Variants in PPA2 observed in about 807,000 individuals in gnomAD.
The protein encoded by PPA2 is inorganic pyrophosphatase 2, also known as inorganic pyrophosphatase 2, mitochondrial.
PPA2 carries 48 observed loss-of-function variants against 49.5 expected under a neutral mutation model. The ratio of observed to expected loss-of-function variants is 0.97; its 90% CI spans 0.77 to 1.23. The LOEUF (loss-of-function observed/expected upper bound fraction) is 1.23. Ranked by LOEUF, PPA2 falls within the 50% of genes most tolerant of loss-of-function variation. The pLI, the probability that PPA2 is intolerant of heterozygous loss-of-function variation, is 0.00. For synonymous variants in PPA2, 131 were observed against 139.9 expected, an observed-to-expected ratio of 0.94 and a Z score of 0.45; for missense variants, 429 against 410.1, an observed-to-expected ratio of 1.05 and a Z score of -0.40.
At position 105,386,644 on chromosome 4, in the gene PPA2, G is replaced by A; in HGVS notation, c.870-8C>T. ...GATATCTGCACGTTTGTGCTGGAGA[G>A]GAAAAGAGAATGTTATTATTAAACA... On this transcript the variant is annotated splice_region_variant and splice_polypyrimidine_tract_variant and intron_variant, in intron 9 of 11. Coordinates refer to ENST00000341695, the MANE Select transcript of PPA2 (RefSeq NM_176869.3). 6.2e-7 allele frequency: 1 copy of A among 1,608,620 alleles called. No individual in the cohort carries two copies. Among genetic ancestry groups the A allele is most frequent in the Non-Finnish European group, 8.5e-7 (1 of 1,176,342 alleles).
chr4:105,409,268 G>T (rs927368027), intron 7 of PPA2, among the ~76,000 whole-genome samples: 1 of 152,214 alleles, frequency 6.6e-6, no homozygotes, highest in African/African-American at 2.4e-5. Context: ...GGCTCAGCAG[G>T]TCCCACACCC....
intron 4 of PPA2, 138 bp from the exon 5 acceptor site, chr4:105,446,640 G>A: frequency 9.2e-7 from 1 of 1,087,168 alleles, no homozygotes; most frequent in South Asian, 1.6e-5. Flanking sequence ...TGCTTTAAAA[G>A]AAATTAAGCC....
chr4:105,446,325 T>G (rs1722383272), intron 5 of PPA2, 58 bp downstream of exon 5: 1 of 1,505,978 alleles, frequency 6.6e-7, no homozygotes. Flanking sequence ...TTCACAGGAT[T>G]TATAAGGCAA....
At chr4:105,413,543 T>C (rs1195762538) in intron 7 of PPA2, among the ~76,000 whole-genome samples, 2 of 152,210 alleles carry the variant, frequency 1.3e-5, no homozygotes, top group Non-Finnish European at 2.9e-5. Flanking sequence ...ATTAGTCTCA[T>C]ATATGCCTTA....
At chr4:105,426,209 G>A (rs1045514494) in intron 6 of PPA2, among the ~76,000 whole-genome samples, 1 of 152,178 alleles carries the variant, frequency 6.6e-6, no homozygotes, top group African/African-American at 2.4e-5. Flanking sequence ...AAAATAGGAG[G>A]TTGCCTCCAA....
chr4:105,388,862 A>G (rs897273734), intron 9 of PPA2, among the ~76,000 whole-genome samples: 2 of 150,394 alleles, frequency 1.3e-5, no homozygotes, highest in East Asian at 1.9e-4. Context: ...AGCTGTTTTA[A>G]GAATGAAAAA....
chr4:105,372,811 T>C (rs527561135), intron 10 of PPA2, among the ~76,000 whole-genome samples: 1 of 152,336 alleles, frequency 6.6e-6, no homozygotes, highest in Admixed American at 6.5e-5. Flanking sequence ...AATCTCTTTC[T>C]GTATATGCAC....
chr4:105,461,283 A>C (rs960459435), intron 1 of PPA2, among the ~76,000 whole-genome samples: 6 of 152,202 alleles, frequency 3.9e-5, no homozygotes, highest in Admixed American at 3.3e-4. Context: ...TGTTCAAAAA[A>C]CGGTGGTGTT....
At position 105,424,319 on chromosome 4, in the gene PPA2, G is replaced by C; in HGVS notation, c.532C>G (p.Leu178Val). Residue 178 changes from leucine to valine, a missense_variant, in exon 7 of 12, where the codon CTT (leucine) becomes GTT (valine). Leu to Val is a conservative substitution (Grantham distance 32, BLOSUM62 1). Transcript: ENST00000341695. ...ACATGAATAACTTCTCCACAAGAAA[G>C]AATCTTTAAAGAAAAAAGAAATTCA... ...IDVCEIGSKILSCGEVIHVKI... is the reference protein window; with the variant it reads ...IDVCEIGSKIVSCGEVIHVKI... The C allele has an allele frequency of 6.3e-7, 1 of 1,585,152 alleles. No homozygotes were observed. Among genetic ancestry groups the C allele is most frequent in the Non-Finnish European group, 8.5e-7 (1 of 1,172,882 alleles).
chr4:105,454,088 C>T lies in PPA2; in HGVS notation c.223-446G>A, dbSNP rs1218515321. ...GTGTGATTACTAGGCCTCCACCAAG[C>T]ACTTTTTTTCTTTTTTCTTTTCCCA... On this transcript the variant is annotated intron_variant, in intron 2 of 11. Coordinates refer to ENST00000341695, the MANE Select transcript of PPA2 (RefSeq NM_176869.3). 2.6e-5 allele frequency among the ~76,000 whole-genome samples: 4 copies of T among 152,154 alleles called. 1 individual carries two copies.
At chr4:105,397,053 C>T (rs1302024711) in intron 8 of PPA2, among the ~76,000 whole-genome samples, 1 of 152,184 alleles carries the variant, frequency 6.6e-6, no homozygotes, top group African/African-American at 2.4e-5. Context: ...GTAAGAATAT[C>T]TAAGGAAAAC....
intron 4 of PPA2, among the ~76,000 whole-genome samples, chr4:105,446,849 TATG>T (rs1239393427): frequency 2.6e-5 from 4 of 152,134 alleles, no homozygotes; most frequent in African/African-American, 7.2e-5. Context: ...TCATCAATAT[TATG>T]ATAATAAAAC....
At chr4:105,467,505 G>A (rs1468863552) in intron 1 of PPA2, among the ~76,000 whole-genome samples, 1 of 152,142 alleles carries the variant, frequency 6.6e-6, no homozygotes, top group Non-Finnish European at 1.5e-5. Flanking sequence ...AAAATTTTTT[G>A]AGTGAAATGG....
At chr4:105,468,472 T>C (rs1269779741) in intron 1 of PPA2, among the ~76,000 whole-genome samples, 2 of 152,198 alleles carry the variant, frequency 1.3e-5, no homozygotes, top group Non-Finnish European at 2.9e-5. Flanking sequence ...GTACTGCTGA[T>C]AGGTCATATG....
chr4:105,473,872 C>G, intron 1 of PPA2, 22 bp downstream of exon 1: 1 of 1,577,982 alleles, frequency 6.3e-7, no homozygotes. Flanking sequence ...CGCCGCTCGG[C>G]GAACCTCCGG....
At chr4:105,417,423 C>T (rs1029877218) in intron 7 of PPA2, among the ~76,000 whole-genome samples, 3 of 152,024 alleles carry the variant, frequency 2.0e-5, no homozygotes, top group African/African-American at 7.2e-5. Context: ...ATCCACTCTA[C>T]AATTTTAAGA....
At chr4:105,427,841 A>G (rs570532551) in intron 6 of PPA2, among the ~76,000 whole-genome samples, 1 of 152,294 alleles carries the variant, frequency 6.6e-6, no homozygotes, top group South Asian at 2.1e-4. Flanking sequence ...TTCAGGAAAT[A>G]CAGAGAACGC....
intron 6 of PPA2, among the ~76,000 whole-genome samples, chr4:105,428,480 G>T (rs1028843716): frequency 6.6e-6 from 1 of 151,492 alleles, no homozygotes; most frequent in Non-Finnish European, 1.5e-5. Context: ...ACACAGATAG[G>T]CTTAAAATAA....
At chr4:105,455,811 C>T (rs72952281) in intron 2 of PPA2, among the ~76,000 whole-genome samples, 5,019 of 152,140 alleles carry the variant, frequency 0.033, 274 homozygotes, top group African/African-American at 0.11. Flanking sequence ...TGGCCTCTGC[C>T]CCTATATTGA....
Sources: gnomAD v4.1 joint callset for allele counts (sites outside exome capture counted in the v4.1 genomes callset) on GRCh38, gnomAD v4.1.1 for gene constraint, MANE v1.5 for transcripts, NCBI Gene and HGNC (gene_info 2026-07-23, HGNC 2026-07-21) for gene names.